Variants in FMO2 observed in about 807,000 individuals in gnomAD.
FMO2 encodes the protein flavin containing dimethylaniline monoxygenase 2.
Under a neutral mutation model 41.6 loss-of-function variants are expected in FMO2, and 33 were observed. That is an observed-to-expected ratio of 0.79 (90% CI 0.60 to 1.06). The LOEUF (loss-of-function observed/expected upper bound fraction) is 1.06, where lower values mean the gene tolerates loss of function less well. FMO2 is among the 50% of genes least tolerant of loss of function. The pLI, the probability that FMO2 is intolerant of heterozygous loss-of-function variation, is 0.00. For missense variants in FMO2, 619 were observed against 632.9 expected, an observed-to-expected ratio of 0.98 and a Z score of 0.23; for synonymous variants, 214 against 219.6, an observed-to-expected ratio of 0.97 and a Z score of 0.23.
rs756178093 is a variant in FMO2, at chr1:171,205,298, GTACT to G, written c.848_851del (p.Val283GlufsTer16). 1.9e-6 allele frequency: 3 copies of G among 1,609,878 alleles called. No individual in the cohort carries two copies. The East Asian group carries it at 6.7e-5, about 36-fold the overall frequency. Reference sequence around the variant, plus strand: ...TCTCAGATACATTATGAAGGAACCTGTACTAAATGATGATGTCCCAAGTCGTCTA... The same window carrying G: ...TCTCAGATACATTATGAAGGAACCTGAAATGATGATGTCCCAAGTCGTCTA... On this transcript the variant is annotated frameshift_variant, in exon 7 of 9. Transcript: ENST00000209929. LOFTEE classifies it high-confidence loss of function.
At chr1:171,194,563 A>G (rs1461745291) in intron 3 of FMO2, among the ~76,000 whole-genome samples, 2 of 152,142 alleles carry the variant, frequency 1.3e-5, no homozygotes, top group African/African-American at 2.4e-5. Flanking sequence ...TCTGAGACCA[A>G]CCTGGGCAAT....
At chr1:171,185,570 A>T in intron 1 of FMO2, 138 bp from the exon 2 acceptor site, 1 of 799,046 alleles carries the variant, frequency 1.3e-6, no homozygotes, top group East Asian at 2.5e-5. Flanking sequence ...AGGATTTTTG[A>T]CTGGCTCTTT....
intron 7 of FMO2, among the ~76,000 whole-genome samples, chr1:171,206,892 A>C (rs1285206032): frequency 3.0e-4 from 45 of 152,228 alleles, no homozygotes; most frequent in Admixed American, 2.7e-3. Flanking sequence ...AGAAATCATT[A>C]AGGGAAAAAT....
intron 2 of FMO2, among the ~76,000 whole-genome samples, chr1:171,188,180 C>A (rs762504405): frequency 6.6e-6 from 1 of 151,922 alleles, no homozygotes; most frequent in Non-Finnish European, 1.5e-5. Flanking sequence ...TACTCACATC[C>A]CACAGATTTA....
At chr1:171,186,381 T>G (rs1657850098) in intron 2 of FMO2, 1 of 152,772 alleles carries the variant, frequency 6.5e-6, no homozygotes, top group Non-Finnish European at 1.5e-5. Context: ...TAATGCTATT[T>G]GTCTGTATTA....
chr1:171,193,896 C>T (rs545493856), intron 3 of FMO2, among the ~76,000 whole-genome samples: 16 of 152,112 alleles, frequency 1.1e-4, no homozygotes, highest in South Asian at 8.3e-4. Flanking sequence ...TCTCCTGCCT[C>T]GGCCTCCAGA....
chr1:171,185,615 A>G, intron 1 of FMO2, 93 bp from the exon 2 acceptor site: 1 of 1,260,624 alleles, frequency 7.9e-7, no homozygotes. Flanking sequence ...TACCACTGCT[A>G]CAATGTTTAA....
chr1:171,189,153 C>A (rs192454867), intron 2 of FMO2, among the ~76,000 whole-genome samples: 64 of 152,216 alleles, frequency 4.2e-4, no homozygotes, highest in Non-Finnish European at 7.6e-4. Flanking sequence ...AGCCGCTAAC[C>A]TTCTCTGTTT....
intron 4 of FMO2, among the ~76,000 whole-genome samples, chr1:171,198,876 C>T (rs1175908031): frequency 4.0e-5 from 6 of 151,636 alleles, no homozygotes; most frequent in Non-Finnish European, 7.4e-5. Context: ...AAAAATCAAC[C>T]CCTTTGGTCC....
rs1453555794 is a variant in FMO2, at chr1:171,196,686, C to T, written c.359C>T (p.Ser120Leu). 5 of 1,613,412 alleles carry T rather than the reference C, an allele frequency of 3.1e-6. No individual in the cohort carries two copies. In the South Asian group the frequency reaches 3.3e-5, roughly 11 times the overall value. Reference protein sequence around the residue: ...VLSVRKCPDFSSSGQWKVVTQ... With the variant: ...VLSVRKCPDFLSSGQWKVVTQ... ...AGTGTGAGAAAATGTCCAGATTTCT[C>T]ATCCTCTGGCCAATGGAAGGTTGTC... Residue 120 changes from serine (S) to leucine (L), a missense_variant, in exon 4 of 9, where the codon TCA (serine) becomes TTA (leucine). By Grantham distance (145) the Ser-to-Leu change is moderately radical. Coordinates refer to ENST00000209929, the MANE Select transcript of FMO2 (RefSeq NM_001460.5).
intron 2 of FMO2, chr1:171,188,892 A>C (rs1442583581): frequency 4.6e-5 from 7 of 152,110 alleles, no homozygotes; most frequent in Non-Finnish European, 1.0e-4. Context: ...TAATTAGCAT[A>C]TATTTTTCGT....
chr1:171,196,882 A>T, intron 4 of FMO2, 71 bp downstream of exon 4: 1 of 1,419,424 alleles, frequency 7.0e-7, no homozygotes, highest in Non-Finnish European at 9.8e-7. Flanking sequence ...TTGGATTGAC[A>T]AGCAGGATTC....
intron 2 of FMO2, 97 bp downstream of exon 2, chr1:171,185,942 C>A: frequency 8.1e-7 from 1 of 1,234,392 alleles, no homozygotes. Context: ...TATTAAACAA[C>A]TCTGATCAGA....
At chr1:171,200,014 G>A (rs764968148) in intron 5 of FMO2, among the ~76,000 whole-genome samples, 1 of 152,150 alleles carries the variant, frequency 6.6e-6, no homozygotes, top group Non-Finnish European at 1.5e-5. Flanking sequence ...ACCACACCCA[G>A]CCAAGAGGCC....
At chr1:171,206,438 G>A (rs1658761185) in intron 7 of FMO2, among the ~76,000 whole-genome samples, 1 of 152,198 alleles carries the variant, frequency 6.6e-6, no homozygotes, top group Admixed American at 6.5e-5. Context: ...GACATTGCTA[G>A]AGCATGACGT....
chr1:171,201,727 G>A (rs1658545044), intron 5 of FMO2, among the ~76,000 whole-genome samples: 1 of 152,126 alleles, frequency 6.6e-6, no homozygotes, highest in African/African-American at 2.4e-5. Flanking sequence ...AAGAAAAGAG[G>A]TTTAATTGAC....
intron 5 of FMO2, among the ~76,000 whole-genome samples, chr1:171,202,097 C>T (rs1658563901): frequency 6.6e-6 from 1 of 152,070 alleles, no homozygotes; most frequent in African/African-American, 2.4e-5. Flanking sequence ...AGCCTAAATC[C>T]TCATGTTTCT....
At chr1:171,196,867 G>A in intron 4 of FMO2, 56 bp downstream of exon 4, 1 of 1,531,810 alleles carries the variant, frequency 6.5e-7, no homozygotes, top group Non-Finnish European at 9.0e-7. Context: ...TACTTTATAT[G>A]TAGTTTGGAT....
At chr1:171,188,806 C>T (rs1471394695) in intron 2 of FMO2, 1 of 152,098 alleles carries the variant, frequency 6.6e-6, no homozygotes, top group African/African-American at 2.4e-5. Context: ...TTGTCCTATA[C>T]CCAACCCAGA....
Sources: gnomAD v4.1 joint callset for allele counts (sites outside exome capture counted in the v4.1 genomes callset) on GRCh38, gnomAD v4.1.1 for gene constraint, MANE v1.5 for transcripts, NCBI Gene and HGNC (gene_info 2026-07-23, HGNC 2026-07-21) for gene names.